UGGT2: variants seen among roughly 807,000 people sequenced by gnomAD.
UGGT2 encodes UDP-glucose glycoprotein glucosyltransferase 2, also known as UDP-glucose:glycoprotein glucosyltransferase 2.
Under a neutral mutation model 192.1 loss-of-function variants are expected in UGGT2, and 180 were observed. The ratio of observed to expected loss-of-function variants is 0.94; its 90% CI spans 0.83 to 1.06. UGGT2 has a LOEUF of 1.06. Ranked by LOEUF, UGGT2 falls within the 50% of genes least tolerant of loss-of-function variation. The pLI, the probability that UGGT2 is intolerant of heterozygous loss-of-function variation, is 0.00. For missense variants in UGGT2, 1,849 were observed against 1,795.7 expected (o/e 1.03, Z -0.54); for synonymous variants, 580 against 591.0 (o/e 0.98, Z 0.27).
chr13:95,856,294 A>G lies in UGGT2; in HGVS notation c.3872T>C (p.Leu1291Pro), dbSNP rs746298339. 6.2e-7 allele frequency: 1 copy of G among 1,612,848 alleles called. No homozygotes were observed. The highest frequency in any genetic ancestry group is 8.5e-7 in the Non-Finnish European group (1 of 1,179,640). ...CCAACGGGGCCACCTATATTGAACTAGTTCATATCGGAATCCATACTCTTT... is the reference window on the plus strand; with the variant it reads ...CCAACGGGGCCACCTATATTGAACTGGTTCATATCGGAATCCATACTCTTT... Reference protein sequence around the residue: ...MAKEYGFRYELVQYRWPRWLR... With the variant: ...MAKEYGFRYEPVQYRWPRWLR... Residue 1291 changes from leucine (L) to proline (P), a missense_variant, in exon 34 of 39, where the codon CTA (leucine) becomes CCA (proline). Physicochemically the swap from Leu to Pro is moderately conservative, Grantham distance 98. Transcript: ENST00000376747.
intron 21 of UGGT2, 36 bp downstream of exon 21, chr13:95,902,818 A>G: frequency 1.3e-6 from 2 of 1,557,168 alleles, no homozygotes; most frequent in Non-Finnish European, 1.8e-6. Context: ...AAAATATGCA[A>G]TACATACATA....
intron 12 of UGGT2, among the ~76,000 whole-genome samples, chr13:95,967,482 T>G (rs1438751564): frequency 4.0e-5 from 6 of 150,790 alleles, no homozygotes; most frequent in African/African-American, 1.2e-4. Flanking sequence ...TTTTGTTTTT[T>G]TTTTTTTTTG....
At chr13:95,963,579 G>A (rs944381837) in intron 12 of UGGT2, among the ~76,000 whole-genome samples, 4 of 151,992 alleles carry the variant, frequency 2.6e-5, no homozygotes, top group Admixed American at 2.6e-4. Flanking sequence ...CATCCAAATT[G>A]GAAAAGAGGA....
intron 16 of UGGT2, among the ~76,000 whole-genome samples, chr13:95,938,028 T>G (rs1282810968): frequency 6.6e-6 from 1 of 152,118 alleles, no homozygotes; most frequent in Non-Finnish European, 1.5e-5. Flanking sequence ...ATCTGCTGGT[T>G]TTATAAGGGG....
At position 95,881,190 on chromosome 13, in the gene UGGT2, C is replaced by CAAAAG. The variant is rs539589310; in HGVS notation, c.3228+3300_3228+3301insCTTTT. Among the ~76,000 whole-genome samples the CAAAAG allele has an allele frequency of 3.2e-3, 480 of 152,126 alleles. 2 individuals are homozygous for CAAAAG. Among genetic ancestry groups the CAAAAG allele is most frequent in the African/African-American group, 0.011 (458 of 41,510 alleles). ...TGGGCAACAGAGCAAGACTCCATGTCAAAACAAAACAAAACAATGTATAAA... is the reference window on the plus strand; with the variant it reads ...TGGGCAACAGAGCAAGACTCCATGTCAAAAGAAAACAAAACAAAACAATGTATAAA... On this transcript the variant is annotated intron_variant, in intron 27 of 38. Coordinates refer to ENST00000376747, the MANE Select transcript of UGGT2 (RefSeq NM_020121.4).
At chr13:95,932,324 T>TGC (rs1224279073) in intron 17 of UGGT2, among the ~76,000 whole-genome samples, 8 of 144,268 alleles carry the variant, frequency 5.5e-5, no homozygotes, top group Non-Finnish European at 1.1e-4. Flanking sequence ...TGTGTGTGTG[T>TGC]GTGTGTGTGT....
At chr13:95,930,442 C>T (rs192411370) in intron 17 of UGGT2, among the ~76,000 whole-genome samples, 35 of 152,164 alleles carry the variant, frequency 2.3e-4, no homozygotes, top group Admixed American at 1.4e-3. Context: ...AAGTTTTGAA[C>T]GTGGTGAAAA....
intron 20 of UGGT2, among the ~76,000 whole-genome samples, chr13:95,922,805 A>G (rs1175647613): frequency 6.6e-6 from 1 of 152,204 alleles, no homozygotes; most frequent in Non-Finnish European, 1.5e-5. Context: ...CCTCAATGAC[A>G]GAGCGAGACC....
In UGGT2 at chr13:95,884,768, T is replaced by G. The variant is rs910670336; in HGVS notation, c.3039-88A>C. 7.6e-6 allele frequency: 10 copies of G among 1,308,160 alleles called. No homozygotes were observed. The African/African-American group carries it at 1.2e-4, about 16-fold the overall frequency. 81.0% of individuals were successfully genotyped at this position (1,308,160 alleles called of 1,614,324 possible). A position where few individuals can be genotyped will look rare whatever the true frequency, so the allele number is the denominator to read the frequency against. Reference sequence around the variant, plus strand: ...TTCAAAATTGAAAATTGCTTAATGATCTGACCAGAAGTCTACAATCAAAAA... The same window carrying G: ...TTCAAAATTGAAAATTGCTTAATGAGCTGACCAGAAGTCTACAATCAAAAA... On this transcript the variant is annotated intron_variant, in intron 26 of 38. Coordinates refer to ENST00000376747, the MANE Select transcript of UGGT2 (RefSeq NM_020121.4).
chr13:95,989,137 G>A (rs1402709413), intron 8 of UGGT2, among the ~76,000 whole-genome samples: 1 of 151,990 alleles, frequency 6.6e-6, no homozygotes, highest in African/African-American at 2.4e-5. Context: ...AAGAGTGGCA[G>A]CATTCTAAAA....
At chr13:95,859,342 T>C (rs932706957) in intron 33 of UGGT2, among the ~76,000 whole-genome samples, 2 of 152,164 alleles carry the variant, frequency 1.3e-5, no homozygotes, top group Admixed American at 6.5e-5. Flanking sequence ...ATTTAATTAC[T>C]CATTATCATG....
At chr13:95,896,065 C>A (rs973170235) in intron 22 of UGGT2, among the ~76,000 whole-genome samples, 2 of 152,056 alleles carry the variant, frequency 1.3e-5, no homozygotes, top group Admixed American at 1.3e-4. Context: ...TCTAACACCA[C>A]GTACACAAAA....
intron 36 of UGGT2, among the ~76,000 whole-genome samples, chr13:95,850,072 G>GT (rs1452752254): frequency 1.3e-5 from 2 of 151,146 alleles, no homozygotes; most frequent in Non-Finnish European, 3.0e-5. Context: ...GGTTTTAACT[G>GT]TTTTTTTCCC....
intron 1 of UGGT2, among the ~76,000 whole-genome samples, chr13:96,038,073 CAT>C: frequency 1.3e-5 from 2 of 152,306 alleles, no homozygotes; most frequent in South Asian, 4.1e-4. Flanking sequence ...CAATAAGGCA[CAT>C]GAGGTAACAC....
At chr13:95,934,847 A>C (rs188427490) in intron 17 of UGGT2, among the ~76,000 whole-genome samples, 1 of 152,186 alleles carries the variant, frequency 6.6e-6, no homozygotes, top group Admixed American at 6.5e-5. Flanking sequence ...GGTTAGTTCA[A>C]TAACAGTGGG....
chr13:95,853,438 A>T, intron 36 of UGGT2, 105 bp downstream of exon 36: 1 of 784,090 alleles, frequency 1.3e-6, no homozygotes, highest in Non-Finnish European at 2.0e-6. Flanking sequence ...AAACAGCAGT[A>T]AATTGAGAAA....
At chr13:95,965,815 G>C (rs1256953728) in intron 12 of UGGT2, among the ~76,000 whole-genome samples, 1 of 152,024 alleles carries the variant, frequency 6.6e-6, no homozygotes, top group East Asian at 1.9e-4. Flanking sequence ...CTAATTATTA[G>C]ATAAATGTAA....
intron 38 of UGGT2, among the ~76,000 whole-genome samples, chr13:95,803,969 G>A (rs1416029273): frequency 6.6e-6 from 1 of 151,960 alleles, no homozygotes; most frequent in East Asian, 1.9e-4. Context: ...TATTTCAGGG[G>A]ATATTAGAAA....
Position 95,900,917 on chromosome 13 carries a change from C to A in UGGT2, c.2524G>T (p.Glu842Ter). 1 of 1,596,758 alleles carries A rather than the reference C, an allele frequency of 6.3e-7. No homozygotes were observed. Among genetic ancestry groups the A allele is most frequent in the South Asian group, 1.1e-5 (1 of 88,218 alleles). Reference sequence around the variant, plus strand: ...ACTCCAACAGTATTATATTTTTTCTCAAAAGCATTCTTATCCATCCCCTAA... The same window carrying A: ...ACTCCAACAGTATTATATTTTTTCTAAAAAGCATTCTTATCCATCCCCTAA... ...LIEGMDKNAF[E>*]KKYNTVGVNI... The change falls in exon 22 of 39, where the codon GAG becomes TAG. Residue 842 changes from glutamate (E) to a stop codon, truncating the protein, a stop_gained. Transcript: ENST00000376747. LOFTEE classifies it high-confidence loss of function.
Sources: gnomAD v4.1 joint callset for allele counts (sites outside exome capture counted in the v4.1 genomes callset) on GRCh38, gnomAD v4.1.1 for gene constraint, MANE v1.5 for transcripts, NCBI Gene and HGNC (gene_info 2026-07-23, HGNC 2026-07-21) for gene names.